The following UPF2 variants were observed in gnomAD, a reference collection of about 807,000 sequenced individuals.
UPF2 encodes UPF2 regulator of nonsense mediated mRNA decay, also known as regulator of nonsense transcripts 2.
Under a neutral mutation model 141.4 loss-of-function variants are expected in UPF2, and 17 were observed. The observed-to-expected ratio is 0.12, with a 90% CI of 0.08 to 0.18. The LOEUF is 0.18. UPF2 is among the 10% of genes least tolerant of loss of function. UPF2 has a pLI of 1.00. For missense variants in UPF2, 1,152 were observed against 1,515.9 expected (o/e 0.76, Z 3.99); for synonymous variants, 540 against 498.0 (o/e 1.08, Z -1.12).
In UPF2 at chr10:12,016,934, C is replaced by A. The variant is rs1370022486; in HGVS notation, c.1146-2750G>T. Among the ~76,000 whole-genome samples, 1 of 150,254 alleles carries A rather than the reference C, an allele frequency of 6.7e-6. No homozygotes were observed. The highest frequency in any genetic ancestry group is 1.5e-5 in the Non-Finnish European group (1 of 67,776). On this transcript the variant is annotated intron_variant, in intron 3 of 21. Coordinates refer to ENST00000357604, the MANE Select transcript of UPF2 (RefSeq NM_015542.4). This position sits in a 1 kb window ranked among gnomAD's most constrained non-coding sequence, Gnocchi z 4.1. ...CCTTGGGAGGCTGAGGCAGGAGAAT[C>A]ATTTGAACTCGGAAGGCAGAGGTTG...
At position 11,996,481 on chromosome 10, in the gene UPF2, G is replaced by A. The variant is rs199869213; in HGVS notation, c.1844+1191C>T. Among the ~76,000 whole-genome samples, 18 of 152,160 alleles carry A rather than the reference G, an allele frequency of 1.2e-4. No homozygotes were observed. In the East Asian group the frequency reaches 3.5e-3, roughly 29 times the overall value. ...TCCTGCCATGGCCTCATGAGAAGCT[G>A]AGTATGGGCATGCGCCACCACACCC... On this transcript the variant is annotated intron_variant, in intron 8 of 21. Coordinates refer to ENST00000357604, the MANE Select transcript of UPF2 (RefSeq NM_015542.4).
intron 16 of UPF2, among the ~76,000 whole-genome samples, chr10:11,947,859 C>T (rs562472746): frequency 2.7e-5 from 4 of 148,662 alleles, no homozygotes; most frequent in South Asian, 2.1e-4. Context: ...AATAAAAATG[C>T]TATAATCAGT....
Position 12,042,524 on chromosome 10 carries a change from C to A in UPF2, c.-19+231G>T, listed in dbSNP as rs1472085222. Among the ~76,000 whole-genome samples, 2 of 152,178 alleles carry A rather than the reference C, an allele frequency of 1.3e-5. No homozygotes were observed. Among genetic ancestry groups the A allele is most frequent in the Non-Finnish European group, 2.9e-5 (2 of 68,022 alleles). On this transcript the variant is annotated intron_variant, in intron 1 of 21. Transcript: ENST00000357604. This position sits in a 1 kb window ranked among gnomAD's most constrained non-coding sequence, Gnocchi z 5.5. ...GGCAGGCACCTCCTCCACCGCCCCC[C>A]AAGCATGGCCCGGCCCGGGGGCTCC...
At position 11,954,643 on chromosome 10, in the gene UPF2, A is replaced by T. The variant is rs551394754; in HGVS notation, c.2850+589T>A. Among the ~76,000 whole-genome samples, 405 of 128,346 alleles carry T rather than the reference A, an allele frequency of 3.2e-3. 1 individual carries two copies. The highest frequency in any genetic ancestry group is 0.01 in the African/African-American group (377 of 37,312). The allele number at this position is 128,346 out of a possible 152,430, so 84.2% of individuals were successfully genotyped here. A position where few individuals can be genotyped will look rare whatever the true frequency, so the allele number is the denominator to read the frequency against. On this transcript the variant is annotated intron_variant, in intron 14 of 21. Transcript: ENST00000357604. The stretch of plus-strand genomic sequence containing the variant: ...AGCAAGACTTACTCTCAAAAAAAAA[A>T]ATATATATATATATATATACATATA...
chr10:11,995,090 G>T (rs1180622652), intron 8 of UPF2, among the ~76,000 whole-genome samples: 2 of 139,830 alleles, frequency 1.4e-5, no homozygotes, highest in African/African-American at 2.7e-5. Flanking sequence ...AAGAAGACAT[G>T]AAGTGCTATA....
chr10:11,958,076 G>A (rs903223495), intron 12 of UPF2, among the ~76,000 whole-genome samples: 5 of 152,266 alleles, frequency 3.3e-5, no homozygotes, highest in African/African-American at 1.2e-4. Context: ...GTGGCCAGGT[G>A]CAGTGGCTCA....
intron 3 of UPF2, among the ~76,000 whole-genome samples, chr10:12,027,291 G>A (rs1002288810): frequency 5.3e-5 from 8 of 152,070 alleles, no homozygotes; most frequent in South Asian, 4.1e-4. Context: ...TTAAAACATC[G>A]TAGAATCTCT....
rs1262904056 is a variant in UPF2, at chr10:11,959,686, G to C, written c.2185-330C>G. On this transcript the variant is annotated intron_variant, in intron 11 of 21. Transcript: ENST00000357604. This position sits in a 1 kb window ranked among gnomAD's most constrained non-coding sequence, Gnocchi z 5.9. ...GAGGTGGGTGGACAGCTTGAGCCCAGGAGGTGGAGGCTGCAGTAAGCCATG... is the reference window on the plus strand; with the variant it reads ...GAGGTGGGTGGACAGCTTGAGCCCACGAGGTGGAGGCTGCAGTAAGCCATG... Among the ~76,000 whole-genome samples the C allele has an allele frequency of 6.6e-6, 1 of 152,096 alleles. No individual in the cohort carries two copies. Among genetic ancestry groups the C allele is most frequent in the East Asian group, 1.9e-4 (1 of 5,176 alleles).
rs1834387430 is a variant in UPF2, at chr10:12,024,892, C to CGACTGCACTCTAGCCCAGGTAAGA, written c.1145+3829_1145+3852dup. ...AAGGCTACACTGAGCCATGATCACA[C>CGACTGCACTCTAGCCCAGGTAAGA]GACTGCACTCTAGCCCAGGTAAGAG... is the stretch of plus-strand genomic sequence containing the variant. On this transcript the variant is annotated intron_variant, in intron 3 of 21. Coordinates refer to ENST00000357604, the MANE Select transcript of UPF2 (RefSeq NM_015542.4). 3.7e-5 allele frequency among the ~76,000 whole-genome samples: 5 copies of CGACTGCACTCTAGCCCAGGTAAGA among 134,926 alleles called. No individual in the cohort carries two copies. The Admixed American group carries it at 4.2e-4, about 11-fold the overall frequency. The allele number at this position is 134,926 out of a possible 152,430, so 88.5% of individuals were successfully genotyped here. A position where few individuals can be genotyped will look rare whatever the true frequency, so the allele number is the denominator to read the frequency against.
intron 9 of UPF2, among the ~76,000 whole-genome samples, chr10:11,971,444 C>A (rs978998538): frequency 6.6e-6 from 1 of 151,968 alleles, no homozygotes; most frequent in African/African-American, 2.4e-5. Context: ...AGTAGAGATG[C>A]GGTTTCTCCA....
In UPF2 at chr10:11,955,227, T is replaced by C. The variant is rs74119913; in HGVS notation, c.2850+5A>G. 4.6e-3 allele frequency: 7,251 copies of C among 1,579,360 alleles called. 206 individuals are homozygous for C. The African/African-American group carries it at 0.072, about 16-fold the overall frequency. ...ATGCCAAACTGAATATTTCAGCTTA[T>C]ATACCTGAAAATATACAAGGAAACA... On this transcript the variant is annotated splice_donor_5th_base_variant and intron_variant, in intron 14 of 21. Transcript: ENST00000357604.
At chr10:11,965,197 T>C (rs1833299643) in intron 10 of UPF2, among the ~76,000 whole-genome samples, 1 of 152,202 alleles carries the variant, frequency 6.6e-6, no homozygotes, top group Admixed American at 6.5e-5. Context: ...TTAAAATGAA[T>C]TCCTGGGAAA....
At chr10:12,023,325 A>T (rs970705425) in intron 3 of UPF2, among the ~76,000 whole-genome samples, 1 of 152,150 alleles carries the variant, frequency 6.6e-6, no homozygotes, top group Non-Finnish European at 1.5e-5. Context: ...TGACATTTTT[A>T]AATTTATAAT....
intron 16 of UPF2, 59 bp downstream of exon 16, chr10:11,948,310 T>C: frequency 1.4e-6 from 2 of 1,430,482 alleles, no homozygotes; most frequent in Non-Finnish European, 1.9e-6. Flanking sequence ...TTTTGGCTCA[T>C]ATAATCAAAA....
intron 1 of UPF2, among the ~76,000 whole-genome samples, chr10:12,040,211 G>C (rs1834711319): frequency 6.6e-6 from 1 of 152,086 alleles, no homozygotes; most frequent in Non-Finnish European, 1.5e-5. Flanking sequence ...ACGAGGTCAA[G>C]AGTTCGAAAC....
chr10:12,030,755 G>A (rs990982958), intron 2 of UPF2, among the ~76,000 whole-genome samples: 4 of 151,346 alleles, frequency 2.6e-5, no homozygotes, highest in South Asian at 2.1e-4. Context: ...ATGGTTGCAC[G>A]CGCCTGTAGT....
intron 16 of UPF2, among the ~76,000 whole-genome samples, chr10:11,945,794 A>C (rs11257441): frequency 0.069 from 10,561 of 152,250 alleles, 587 homozygotes; most frequent in East Asian, 0.25. Context: ...TGCTGGATTT[A>C]TTAGATACTG....
At position 11,952,262 on chromosome 10, in the gene UPF2, G is replaced by A. The variant is rs1833084829; in HGVS notation, c.2851-13C>T. On this transcript the variant is annotated splice_polypyrimidine_tract_variant and intron_variant, in intron 14 of 21. Transcript: ENST00000357604. ...ACCAAACATAACGCTGATAACAAAT[G>A]AAAAATAAATTTAGCTATAAGAAAT... is the stretch of plus-strand genomic sequence containing the variant. The A allele has an allele frequency of 1.3e-6, 2 of 1,567,362 alleles. No homozygotes were observed. Among genetic ancestry groups the A allele is most frequent in the Non-Finnish European group, 1.7e-6 (2 of 1,162,952 alleles).
intron 3 of UPF2, among the ~76,000 whole-genome samples, chr10:12,023,094 C>T (rs1834346693): frequency 6.6e-6 from 1 of 152,154 alleles, no homozygotes; most frequent in African/African-American, 2.4e-5. Flanking sequence ...CATGATTTCA[C>T]TATACTGAAA....
Sources: gnomAD v4.1 joint callset for allele counts (sites outside exome capture counted in the v4.1 genomes callset) on GRCh38, gnomAD v4.1.1 for gene constraint, Gnocchi (gnomAD v3.1) non-coding constraint, MANE v1.5 for transcripts, NCBI Gene and HGNC (gene_info 2026-07-23, HGNC 2026-07-21) for gene names.